Variants in ZNF385D observed in about 807,000 individuals in gnomAD.
ZNF385D encodes zinc finger protein 659.
Under a neutral mutation model 35.8 loss-of-function variants are expected in ZNF385D, and 15 were observed. The observed-to-expected ratio is 0.42, with a 90% CI of 0.28 to 0.64. The LOEUF (loss-of-function observed/expected upper bound fraction) is 0.64, where lower values mean the gene tolerates loss of function less well. Ranked by LOEUF, ZNF385D falls within the 30% of genes least tolerant of loss-of-function variation. ZNF385D has a pLI of 0.23. For missense variants in ZNF385D, 474 were observed against 494.6 expected (o/e 0.96, Z 0.39); for synonymous variants, 212 against 186.8 (o/e 1.13, Z -1.10).
chr3:21,553,123 C>T (rs1161391657), intron 3 of ZNF385D, among the ~76,000 whole-genome samples: 1 of 152,176 alleles, frequency 6.6e-6, no homozygotes, highest in African/African-American at 2.4e-5. Context: ...CAACTGGATT[C>T]TCCCCTGGAA....
intron 4 of ZNF385D, among the ~76,000 whole-genome samples, chr3:21,476,042 A>G (rs1305890657): frequency 6.6e-6 from 1 of 152,160 alleles, no homozygotes; most frequent in Non-Finnish European, 1.5e-5. Flanking sequence ...GATAGAGCAC[A>G]GTTAAATATT....
chr3:22,248,410 A>T (rs995744558), intron 2 of ZNF385D, among the ~76,000 whole-genome samples: 1 of 152,180 alleles, frequency 6.6e-6, no homozygotes, highest in African/African-American at 2.4e-5. Context: ...TATAGAGAAG[A>T]AAGTAGATAT....
chr3:21,627,234 A>C (rs537718970), intron 2 of ZNF385D, among the ~76,000 whole-genome samples: 1 of 140,806 alleles, frequency 7.1e-6, no homozygotes, highest in Non-Finnish European at 1.5e-5. Context: ...ATGCTGGTTC[A>C]AAGAGGTGTA....
rs533905092 is a variant in ZNF385D, at chr3:22,199,599, C to G, written c.107-30564G>C. On this transcript the variant is annotated intron_variant, in intron 2 of 5. Transcript: ENST00000494108. Reference sequence around the variant, plus strand: ...GAAAAAGGAAGAGAAGTGGCACATACGGATTGTTACTACTGGAGGAGAACT... The same window carrying G: ...GAAAAAGGAAGAGAAGTGGCACATAGGGATTGTTACTACTGGAGGAGAACT... Among the ~76,000 whole-genome samples, 36 of 152,180 alleles carry G rather than the reference C, an allele frequency of 2.4e-4. 2 individuals carry two copies. In the East Asian group the frequency reaches 7.0e-3, roughly 30 times the overall value.
intron 2 of ZNF385D, among the ~76,000 whole-genome samples, chr3:21,629,208 G>A (rs2065215175): frequency 6.6e-6 from 1 of 152,056 alleles, no homozygotes; most frequent in Admixed American, 6.6e-5. Flanking sequence ...TAAAAGTTGT[G>A]GTGGGTCAAA....
chr3:21,852,882 T>A (rs1696472803), intron 3 of ZNF385D, among the ~76,000 whole-genome samples: 1 of 151,848 alleles, frequency 6.6e-6, no homozygotes, highest in East Asian at 1.9e-4. Context: ...AAGCCCCTGG[T>A]TAAGTCATCA....
intron 2 of ZNF385D, among the ~76,000 whole-genome samples, chr3:22,363,916 G>A (rs1161972595): frequency 1.3e-5 from 2 of 152,052 alleles, no homozygotes; most frequent in African/African-American, 4.8e-5. Flanking sequence ...GCATGAAGCA[G>A]GACATTTTGG....
chr3:21,503,686 G>T (rs1302049528), intron 4 of ZNF385D, among the ~76,000 whole-genome samples: 1 of 152,158 alleles, frequency 6.6e-6, no homozygotes, highest in South Asian at 2.1e-4. Flanking sequence ...AAAATTGACT[G>T]ACCTTCCTAT....
intron 3 of ZNF385D, among the ~76,000 whole-genome samples, chr3:21,845,136 C>A (rs1695923882): frequency 6.6e-6 from 1 of 151,876 alleles, no homozygotes; most frequent in African/African-American, 2.4e-5. Flanking sequence ...TATGGTTAGT[C>A]ATTTATTCTC....
chr3:21,654,534 C>T (rs536885324), intron 2 of ZNF385D, among the ~76,000 whole-genome samples: 94 of 152,082 alleles, frequency 6.2e-4, no homozygotes, highest in Non-Finnish European at 1.1e-3. Context: ...ACTCCCCTTC[C>T]TTTTCTACAT....
At chr3:22,072,354 G>T (rs1416549198) in intron 3 of ZNF385D, among the ~76,000 whole-genome samples, 2 of 151,698 alleles carry the variant, frequency 1.3e-5, no homozygotes, top group African/African-American at 2.4e-5. Flanking sequence ...AAAAAAAAAT[G>T]TAACCATATT....
At chr3:21,980,654 T>G (rs1694380933) in intron 3 of ZNF385D, among the ~76,000 whole-genome samples, 1 of 152,148 alleles carries the variant, frequency 6.6e-6, no homozygotes. Flanking sequence ...TACACACTAT[T>G]TCGTCATCCA....
At chr3:22,305,417 GACAA>G (rs1196724015) in intron 2 of ZNF385D, among the ~76,000 whole-genome samples, 2 of 152,230 alleles carry the variant, frequency 1.3e-5, no homozygotes, top group Middle Eastern at 3.4e-3. Flanking sequence ...ACTATGCAGT[GACAA>G]ACAACCTCAA....
At chr3:21,557,911 T>G (rs1279008880) in intron 3 of ZNF385D, among the ~76,000 whole-genome samples, 1 of 152,116 alleles carries the variant, frequency 6.6e-6, no homozygotes, top group Non-Finnish European at 1.5e-5. Context: ...ATTTATCCAT[T>G]TCTTCTAGAT....
chr3:22,280,362 A>G (rs923077341), intron 2 of ZNF385D, among the ~76,000 whole-genome samples: 2 of 149,090 alleles, frequency 1.3e-5, no homozygotes, highest in African/African-American at 2.5e-5. Flanking sequence ...CATTGTCTAG[A>G]AGGGTTTTTT....
intron 5 of ZNF385D, among the ~76,000 whole-genome samples, chr3:21,429,099 T>C (rs1701168954): frequency 6.6e-6 from 1 of 151,762 alleles, no homozygotes; most frequent in Non-Finnish European, 1.5e-5. Context: ...AGTTTGGTAC[T>C]GGCATAAAGG....
At chr3:21,744,857 A>T (rs867735632) in intron 1 of ZNF385D, among the ~76,000 whole-genome samples, 1 of 143,306 alleles carries the variant, frequency 7.0e-6, no homozygotes, top group East Asian at 1.9e-4. Flanking sequence ...TAAAAAAAAT[A>T]AAAAAAATAA....
chr3:22,041,478 G>A (rs1213477512), intron 3 of ZNF385D, among the ~76,000 whole-genome samples: 1 of 152,092 alleles, frequency 6.6e-6, no homozygotes, highest in African/African-American at 2.4e-5. Flanking sequence ...AATGCTTATC[G>A]ACTACAAAAT....
intron 2 of ZNF385D, among the ~76,000 whole-genome samples, chr3:22,246,334 G>C (rs1406173641): frequency 6.6e-6 from 1 of 152,070 alleles, no homozygotes; most frequent in Non-Finnish European, 1.5e-5. Context: ...TGTCTACTCT[G>C]AAGCATGTTC....
Sources: gnomAD v4.1 joint callset for allele counts (sites outside exome capture counted in the v4.1 genomes callset) on GRCh38, gnomAD v4.1.1 for gene constraint, MANE v1.5 for transcripts, NCBI Gene and HGNC (gene_info 2026-07-23, HGNC 2026-07-21) for gene names.